The following SEL1L variants were observed in gnomAD, a reference collection of about 807,000 sequenced individuals.
The protein encoded by SEL1L is protein sel-1 homolog 1.
In SEL1L, 52 loss-of-function variants were observed where a neutral mutation model predicts 109.8. That is an observed-to-expected ratio of 0.47 (90% confidence interval 0.38 to 0.60). SEL1L has a LOEUF of 0.60. Among genes scored for constraint, SEL1L ranks in the 20% least tolerant of loss-of-function variants. The pLI is 0.00. For missense variants in SEL1L, 749 were observed against 962.2 expected (o/e 0.78, Z 2.93); for synonymous variants, 373 against 339.6 (o/e 1.10, Z -1.08).
intron 5 of SEL1L, 87 bp from the exon 6 acceptor site, chr14:81,502,970 T>G: frequency 9.6e-7 from 1 of 1,045,666 alleles, no homozygotes. Flanking sequence ...GCAACATAAA[T>G]AATTTCCTTA....
intron 3 of SEL1L, among the ~76,000 whole-genome samples, chr14:81,513,188 A>G (rs916936063): frequency 2.6e-5 from 4 of 152,228 alleles, no homozygotes; most frequent in African/African-American, 9.6e-5. Context: ...TGGACCAATC[A>G]GCGCTCCGTA....
chr14:81,481,590 CAAATA>C (rs1364648289), intron 19 of SEL1L, among the ~76,000 whole-genome samples: 1 of 152,072 alleles, frequency 6.6e-6, no homozygotes, highest in African/African-American at 2.4e-5. Flanking sequence ...TAAAACTTAT[CAAATA>C]ATATGATGAT....
chr14:81,529,812 C>G (rs1379547491), intron 1 of SEL1L, among the ~76,000 whole-genome samples: 1 of 152,156 alleles, frequency 6.6e-6, no homozygotes, highest in African/African-American at 2.4e-5. Context: ...TCACACAACA[C>G]TTTTTAAAGA....
At chr14:81,503,099 TCTC>T (rs1266813147) in intron 5 of SEL1L, among the ~76,000 whole-genome samples, 1 of 152,058 alleles carries the variant, frequency 6.6e-6, no homozygotes, top group Non-Finnish European at 1.5e-5. Context: ...TTCAAGCAAT[TCTC>T]CTCCCTCAGC....
chr14:81,525,776 AG>A (rs1885087572), intron 3 of SEL1L, among the ~76,000 whole-genome samples: 1 of 152,214 alleles, frequency 6.6e-6, no homozygotes, highest in Admixed American at 6.5e-5. Context: ...ATTGAAAATA[AG>A]CTAAATGACA....
intron 1 of SEL1L, among the ~76,000 whole-genome samples, chr14:81,532,001 C>G (rs570858752): frequency 6.6e-6 from 1 of 152,322 alleles, no homozygotes; most frequent in Non-Finnish European, 1.5e-5. Flanking sequence ...GCAGACATTT[C>G]TTGAATACAG....
intron 1 of SEL1L, among the ~76,000 whole-genome samples, chr14:81,531,939 GC>G (rs1354941688): frequency 2.6e-5 from 4 of 152,184 alleles, no homozygotes; most frequent in Admixed American, 2.6e-4. Context: ...TAAGGCTTCT[GC>G]CTTTACCATT....
At chr14:81,504,479 TAA>T (rs527803605) in intron 4 of SEL1L, among the ~76,000 whole-genome samples, 173 bp from the exon 5 acceptor site, 28 of 149,944 alleles carry the variant, frequency 1.9e-4, no homozygotes, top group Admixed American at 6.0e-4. Flanking sequence ...AGATAAAACT[TAA>T]AAAAAATATA....
chr14:81,529,676 C>G (rs1885252189), intron 1 of SEL1L, among the ~76,000 whole-genome samples: 1 of 152,224 alleles, frequency 6.6e-6, no homozygotes, highest in African/African-American at 2.4e-5. Flanking sequence ...TCTCTCTTCG[C>G]AACCTGGACT....
At chr14:81,507,751 A>C (rs1012972847) in intron 3 of SEL1L, among the ~76,000 whole-genome samples, 1 of 152,092 alleles carries the variant, frequency 6.6e-6, no homozygotes, top group Non-Finnish European at 1.5e-5. Flanking sequence ...ATATGAGAAG[A>C]CCAGAGGTCC....
chr14:81,506,376 G>T, intron 3 of SEL1L, 135 bp from the exon 4 acceptor site: 1 of 741,804 alleles, frequency 1.3e-6, no homozygotes, highest in Non-Finnish European at 2.1e-6. Flanking sequence ...GAACATAAAA[G>T]GGCTAGCAAT....
chr14:81,488,065 GACC>G (rs1883384284), intron 14 of SEL1L, 123 bp from the exon 15 acceptor site: 1 of 668,494 alleles, frequency 1.5e-6, no homozygotes, highest in Non-Finnish European at 2.5e-6. Flanking sequence ...CCATTAAAAA[GACC>G]ACTTTCTAAT....
At chr14:81,477,303 ATGTGTGTGTG>A (rs10690579) in intron 20 of SEL1L, 122 bp from the exon 21 acceptor site, 16 of 541,392 alleles carry the variant, frequency 3.0e-5, no homozygotes, top group South Asian at 7.2e-5. Flanking sequence ...ACGTTTTGCA[ATGTGTGTGTG>A]TGTGTGTGTG....
intron 11 of SEL1L, among the ~76,000 whole-genome samples, chr14:81,493,530 AAAAT>A (rs1369149125): frequency 1.4e-5 from 2 of 138,276 alleles, no homozygotes; most frequent in South Asian, 2.3e-4. Flanking sequence ...ATAAATAAAT[AAAAT>A]AAATAAAAAA....
intron 3 of SEL1L, 128 bp downstream of exon 3, chr14:81,526,605 T>G: frequency 1.4e-6 from 1 of 725,122 alleles, no homozygotes; most frequent in Admixed American, 2.7e-5. Flanking sequence ...CTCTCCAAAC[T>G]ACACTCCATA....
rs1195323185 is a variant in SEL1L at position 81,476,908 on chromosome 14, A to G, written c.*64T>C. The stretch of plus-strand genomic sequence containing the variant: ...CCACTGATCCAAGGTCCTAAATCAA[A>G]TGCAAGTGTTCCCAGCAGATAACTT... On this transcript the variant is annotated 3_prime_UTR_variant, in exon 21 of 21. Coordinates refer to ENST00000336735, the MANE Select transcript of SEL1L (RefSeq NM_005065.6). 2.7e-5 allele frequency: 42 copies of G among 1,544,840 alleles called. No individual in the cohort carries two copies. Among genetic ancestry groups the G allele is most frequent in the Non-Finnish European group, 3.5e-5 (40 of 1,128,202 alleles).
At position 81,506,208 on chromosome 14, in the gene SEL1L, T is replaced by A; in HGVS notation, c.374A>T (p.Glu125Val). The A allele has an allele frequency of 6.2e-7, 1 of 1,612,648 alleles. No individual in the cohort carries two copies. The highest frequency in any genetic ancestry group is 8.5e-7 in the Non-Finnish European group (1 of 1,179,410). The change falls in exon 4 of 21, where the codon GAG becomes GTG. Residue 125 changes from glutamate (E) to valine (V), a missense_variant. Glu to Val is a moderately radical substitution (Grantham distance 121). Around this residue, in one of 2 missense-constraint regions of SEL1L, gnomAD observed 366 missense variants for 399.8 expected, o/e 0.92. Coordinates refer to ENST00000336735, the MANE Select transcript of SEL1L (RefSeq NM_005065.6). ...LTAIEGTAHG[E>V]PCHFPFLFLD... ...GAAAAGAAAAGGGAAGTGGCAGGGC[T>A]CCCCATGTGCTGTGCCTTCAATGGC...
At chr14:81,492,153 G>A (rs574767181) in intron 12 of SEL1L, among the ~76,000 whole-genome samples, 91 of 151,982 alleles carry the variant, frequency 6.0e-4, no homozygotes, top group African/African-American at 2.1e-3. Flanking sequence ...CACCACACCC[G>A]GCTAATTTTT....
chr14:81,531,235 T>C (rs1331534225), intron 1 of SEL1L, among the ~76,000 whole-genome samples: 1 of 152,198 alleles, frequency 6.6e-6, no homozygotes, highest in East Asian at 1.9e-4. Context: ...CCATCTTACA[T>C]GGGGTTCATT....
Sources: allele counts gnomAD v4.1 joint callset (sites outside exome capture counted in the v4.1 genomes callset), GRCh38; gene constraint gnomAD v4.1.1; regional missense constraint gnomAD v4.1.1; transcripts MANE v1.5; gene names NCBI Gene and HGNC (gene_info 2026-07-23, HGNC 2026-07-21).